RBFOX1: variants seen among roughly 807,000 people sequenced by gnomAD.
RBFOX1 encodes RNA binding protein fox-1 homolog 1.
In RBFOX1, 8 loss-of-function variants were observed where a neutral mutation model predicts 57.7. The observed-to-expected ratio is 0.14, with a 90% CI of 0.08 to 0.25. The LOEUF (loss-of-function observed/expected upper bound fraction) is 0.25, where lower values mean the gene tolerates loss of function less well. RBFOX1 is among the 10% of genes least tolerant of loss of function. The pLI is 1.00. For synonymous variants in RBFOX1, 326 were observed against 222.4 expected (o/e 1.47, Z -4.15); for missense variants, 611 against 548.5 (o/e 1.11, Z -1.14).
chr16:6,700,642 A>C (rs2110344), intron 3 of RBFOX1, among the ~76,000 whole-genome samples: 1 of 152,054 alleles, frequency 6.6e-6, no homozygotes, highest in Non-Finnish European at 1.5e-5. Flanking sequence ...TGGGCAACAA[A>C]AACGAAACTT....
At chr16:6,310,679 T>C (rs2080147880) in intron 1 of RBFOX1, among the ~76,000 whole-genome samples, 1 of 152,172 alleles carries the variant, frequency 6.6e-6, no homozygotes, top group Non-Finnish European at 1.5e-5. Context: ...TTTGTCAAAC[T>C]GTACTGTCAC....
chr16:6,052,255 C>T (rs917111903), intron 1 of RBFOX1, among the ~76,000 whole-genome samples: 7 of 152,236 alleles, frequency 4.6e-5, no homozygotes, highest in Non-Finnish European at 8.8e-5. Context: ...ACTCTTCTTA[C>T]TTCGTTCCTG....
chr16:6,436,990 T>C (rs2094253979), intron 2 of RBFOX1, among the ~76,000 whole-genome samples: 2 of 152,196 alleles, frequency 1.3e-5, no homozygotes, highest in South Asian at 4.1e-4. Context: ...TATTTTTGAC[T>C]TGCTATATAT....
intron 4 of RBFOX1, among the ~76,000 whole-genome samples, chr16:7,375,190 T>C (rs560367620): frequency 6.6e-6 from 1 of 152,356 alleles, no homozygotes; most frequent in African/African-American, 2.4e-5. Context: ...ATGATAAAGA[T>C]TCTGAAGATC....
intron 2 of RBFOX1, among the ~76,000 whole-genome samples, chr16:5,535,014 G>A (rs2044640271): frequency 6.6e-6 from 1 of 152,166 alleles, no homozygotes; most frequent in African/African-American, 2.4e-5. Context: ...AAATCACAAT[G>A]AATAAAACAG....
chr16:7,450,963 C>T (rs745917978), intron 4 of RBFOX1, among the ~76,000 whole-genome samples: 2 of 152,174 alleles, frequency 1.3e-5, no homozygotes, highest in Non-Finnish European at 2.9e-5. Context: ...GCACATGAAA[C>T]ATAGAAGTGG....
chr16:7,094,757 T>TGTGTGG (rs1555466404), intron 4 of RBFOX1, among the ~76,000 whole-genome samples: 2 of 135,850 alleles, frequency 1.5e-5, no homozygotes, highest in African/African-American at 5.4e-5. Flanking sequence ...TGTGTGTGTG[T>TGTGTGG]GTGTGTGTGT....
chr16:7,667,281 T>C (rs2069662553), intron 13 of RBFOX1, among the ~76,000 whole-genome samples: 1 of 152,204 alleles, frequency 6.6e-6, no homozygotes, highest in Non-Finnish European at 1.5e-5. Context: ...AACTAGCCTG[T>C]GCCACTGCCC....
intron 4 of RBFOX1, among the ~76,000 whole-genome samples, chr16:7,250,172 T>G (rs1001515379): frequency 7.2e-5 from 11 of 152,214 alleles, no homozygotes; most frequent in Non-Finnish European, 1.0e-4. Context: ...TATCTTTATG[T>G]TTTGTTTTTA....
At chr16:7,266,264 C>G (rs557257846) in intron 4 of RBFOX1, among the ~76,000 whole-genome samples, 1 of 151,926 alleles carries the variant, frequency 6.6e-6, no homozygotes, top group South Asian at 2.1e-4. Context: ...TGTGAGCCAC[C>G]GTGCCCGGCC....
chr16:7,572,768 G>A (rs1055734760), intron 5 of RBFOX1, among the ~76,000 whole-genome samples: 6 of 152,036 alleles, frequency 3.9e-5, no homozygotes, highest in African/African-American at 7.2e-5. Flanking sequence ...GAACCCAGGA[G>A]GCAGAGCTTG....
chr16:7,074,212 C>G (rs923940116), intron 4 of RBFOX1, among the ~76,000 whole-genome samples: 1 of 152,124 alleles, frequency 6.6e-6, no homozygotes, highest in Non-Finnish European at 1.5e-5. Flanking sequence ...TAGACAAGGA[C>G]TTTGAAATAA....
At chr16:6,496,435 A>T (rs1329865578) in intron 2 of RBFOX1, among the ~76,000 whole-genome samples, 1 of 152,204 alleles carries the variant, frequency 6.6e-6, no homozygotes, top group Non-Finnish European at 1.5e-5. Flanking sequence ...AACAGCTAGA[A>T]CTGTTTCTCA....
At chr16:6,571,412 ATC>A (rs2097342955) in intron 2 of RBFOX1, among the ~76,000 whole-genome samples, 1 of 152,182 alleles carries the variant, frequency 6.6e-6, no homozygotes, top group Non-Finnish European at 1.5e-5. Context: ...GGTGACTGTG[ATC>A]TATGGCAGAG....
chr16:6,152,583 G>T (rs1328588255), intron 1 of RBFOX1, among the ~76,000 whole-genome samples: 1 of 152,190 alleles, frequency 6.6e-6, no homozygotes, highest in Non-Finnish European at 1.5e-5. Context: ...GGAAGAAATT[G>T]TTCCCTGTGG....
intron 1 of RBFOX1, among the ~76,000 whole-genome samples, chr16:6,158,798 G>A (rs995357871): frequency 1.3e-5 from 2 of 152,292 alleles, no homozygotes; most frequent in South Asian, 4.1e-4. Flanking sequence ...AAACTGGGGA[G>A]AGGGCACGTC....
At chr16:7,552,607 C>G (rs540428826) in intron 5 of RBFOX1, among the ~76,000 whole-genome samples, 38 of 152,314 alleles carry the variant, frequency 2.5e-4, no homozygotes, top group African/African-American at 7.9e-4. Flanking sequence ...ATCCATAGTT[C>G]ATGACCCTAT....
intron 4 of RBFOX1, among the ~76,000 whole-genome samples, chr16:7,194,150 G>C (rs975027043): frequency 1.3e-5 from 2 of 152,100 alleles, no homozygotes; most frequent in Non-Finnish European, 2.9e-5. Context: ...TTTGGTACTA[G>C]AGTGTCTTAA....
chr16:6,617,086 G>A (rs1239920644), intron 2 of RBFOX1, among the ~76,000 whole-genome samples: 5 of 151,984 alleles, frequency 3.3e-5, no homozygotes, highest in Non-Finnish European at 7.4e-5. Context: ...AGAACGTAGA[G>A]GTGCTTTGGC....
Sources: gnomAD v4.1 joint callset for allele counts (sites outside exome capture counted in the v4.1 genomes callset) on GRCh38, gnomAD v4.1.1 for gene constraint, MANE v1.5 for transcripts, NCBI Gene and HGNC (gene_info 2026-07-23, HGNC 2026-07-21) for gene names.